Variants in TRAPPC9 observed in about 807,000 individuals in gnomAD.
TRAPPC9 encodes the protein trafficking protein particle complex subunit 9.
Under a neutral mutation model 124.0 loss-of-function variants are expected in TRAPPC9, and 83 were observed. That is an observed-to-expected ratio of 0.67 (90% CI 0.56 to 0.80). The LOEUF (loss-of-function observed/expected upper bound fraction) is 0.80, where lower values mean the gene tolerates loss of function less well. Among genes scored for constraint, TRAPPC9 ranks in the 30% least tolerant of loss-of-function variants. The pLI is 0.00. For missense variants in TRAPPC9, 1,302 were observed against 1,508.3 expected, an observed-to-expected ratio of 0.86 and a Z score of 2.27; for synonymous variants, 638 against 617.5, an observed-to-expected ratio of 1.03 and a Z score of -0.49.
intron 21 of TRAPPC9, among the ~76,000 whole-genome samples, chr8:139,812,902 C>G (rs950074372): frequency 6.6e-6 from 1 of 152,178 alleles, no homozygotes; most frequent in African/African-American, 2.4e-5. Flanking sequence ...GTTAAAAACA[C>G]CGAGTGTGTG....
At chr8:140,136,952 T>C (rs548236852) in intron 17 of TRAPPC9, among the ~76,000 whole-genome samples, 52 of 151,944 alleles carry the variant, frequency 3.4e-4, no homozygotes, top group Non-Finnish European at 6.6e-4. Context: ...CCCACCTAAT[T>C]AAGAGAATTT....
In TRAPPC9 at chr8:140,371,087, C is replaced by A. The variant is rs774257540; in HGVS notation, c.1228G>T (p.Val410Leu). The A allele has an allele frequency of 3.7e-6, 6 of 1,614,210 alleles. No individual in the cohort carries two copies. Among genetic ancestry groups the A allele is most frequent in the Non-Finnish European group, 5.1e-6 (6 of 1,180,044 alleles). ...GGGGCCACGCACTGCATGGCGGCCA[C>A]GCGCTTGAAGAACGCAGACTTGCGA... ...FHRKSAFFKR[V>L]AAMQCVAPSI... The change falls in exon 8 of 23, where the codon GTG (valine) becomes TTG (leucine). Residue 410 changes from valine to leucine, a missense_variant. Transcript: ENST00000438773.
At chr8:139,942,015 C>G (rs1435969793) in intron 19 of TRAPPC9, among the ~76,000 whole-genome samples, 2 of 152,208 alleles carry the variant, frequency 1.3e-5, no homozygotes, top group Non-Finnish European at 2.9e-5. Flanking sequence ...TGGGATGGAA[C>G]CCAGCTCCCT....
chr8:139,798,241 CTT>C (rs1259670996), intron 21 of TRAPPC9, among the ~76,000 whole-genome samples: 2 of 152,088 alleles, frequency 1.3e-5, no homozygotes, highest in Non-Finnish European at 1.5e-5. Context: ...TAAATGTACT[CTT>C]TAGTATTTTA....
chr8:140,350,581 G>C (rs1287806407), intron 9 of TRAPPC9, among the ~76,000 whole-genome samples: 1 of 152,114 alleles, frequency 6.6e-6, no homozygotes, highest in Non-Finnish European at 1.5e-5. Flanking sequence ...CGTTAAGACT[G>C]GGAAACGCAA....
chr8:139,938,968 G>C (rs1425858746), intron 19 of TRAPPC9, among the ~76,000 whole-genome samples: 8 of 152,228 alleles, frequency 5.3e-5, no homozygotes, highest in Admixed American at 5.2e-4. Flanking sequence ...TAAGGCCAAA[G>C]GAGAGAAATA....
chr8:139,757,085 G>A (rs1238648046), intron 21 of TRAPPC9, among the ~76,000 whole-genome samples: 3 of 131,964 alleles, frequency 2.3e-5, no homozygotes, highest in Non-Finnish European at 3.2e-5. Context: ...GTCACAGGAG[G>A]AGCCAGGGTT....
At chr8:140,152,125 A>C (rs2061552841) in intron 17 of TRAPPC9, among the ~76,000 whole-genome samples, 1 of 151,894 alleles carries the variant, frequency 6.6e-6, no homozygotes, top group Non-Finnish European at 1.5e-5. Context: ...AGTAGTTAAC[A>C]CACATAAAAG....
At chr8:140,036,758 C>A (rs190963269) in intron 17 of TRAPPC9, among the ~76,000 whole-genome samples, 26 of 152,290 alleles carry the variant, frequency 1.7e-4, no homozygotes, top group Non-Finnish European at 4.4e-5. Flanking sequence ...AGCGGAGCGA[C>A]CCTCACCTGA....
intron 19 of TRAPPC9, among the ~76,000 whole-genome samples, chr8:139,961,250 G>A (rs1835357259): frequency 8.0e-6 from 1 of 124,468 alleles, no homozygotes; most frequent in East Asian, 2.2e-4. Flanking sequence ...CTGGTTCAAG[G>A]GCCTTCTTTC....
At chr8:140,128,717 C>T (rs1000789893) in intron 17 of TRAPPC9, among the ~76,000 whole-genome samples, 10 of 152,136 alleles carry the variant, frequency 6.6e-5, no homozygotes, top group Non-Finnish European at 1.2e-4. Flanking sequence ...CAGTAAATGG[C>T]GGAGCCGAGA....
chr8:140,082,823 C>G (rs1461282774), intron 17 of TRAPPC9, among the ~76,000 whole-genome samples: 1 of 152,188 alleles, frequency 6.6e-6, no homozygotes, highest in African/African-American at 2.4e-5. Context: ...AAGGGGCATC[C>G]TCAAACTCAG....
chr8:139,903,437 C>G (rs1831145286), intron 20 of TRAPPC9, among the ~76,000 whole-genome samples: 1 of 152,182 alleles, frequency 6.6e-6, no homozygotes, highest in Admixed American at 6.5e-5. Context: ...CCAGCTCACA[C>G]AGCTGGATTC....
chr8:139,750,333 A>G (rs538938546), intron 21 of TRAPPC9, among the ~76,000 whole-genome samples: 4 of 152,196 alleles, frequency 2.6e-5, no homozygotes, highest in South Asian at 2.1e-4. Flanking sequence ...CTGGAGGCAA[A>G]CCACGCCTCC....
rs549550486 is a variant in TRAPPC9, at chr8:139,963,902, G to C, written c.2810+24824C>G. ...ATTAGTAAATTATGGTATATATGTA[G>C]AATTGACTTATGCAACTATAAAAAA... On this transcript the variant is annotated intron_variant, in intron 19 of 22. Transcript: ENST00000438773. 5.9e-5 allele frequency among the ~76,000 whole-genome samples: 9 copies of C among 152,124 alleles called. No individual in the cohort carries two copies. In the South Asian group the frequency reaches 1.9e-3, roughly 32 times the overall value.
Position 140,285,194 on chromosome 8 carries a change from A to G in TRAPPC9, c.1982-1173T>C, listed in dbSNP as rs915664523. Among the ~76,000 whole-genome samples the G allele has an allele frequency of 4.6e-5, 7 of 152,184 alleles. No individual in the cohort carries two copies. In the South Asian group the frequency reaches 1.5e-3, roughly 32 times the overall value. On this transcript the variant is annotated intron_variant, in intron 13 of 22. Transcript: ENST00000438773. ...CACTAGTCTGGACCCAGGATAAACA[A>G]CCAAGAACTGCGTGACTAAGGCTCT... is the stretch of plus-strand genomic sequence containing the variant.
intron 15 of TRAPPC9, among the ~76,000 whole-genome samples, chr8:140,271,792 A>G (rs879387396): frequency 2.6e-5 from 4 of 152,256 alleles, no homozygotes; most frequent in Non-Finnish European, 4.4e-5. Flanking sequence ...TGCCATTAGA[A>G]GTCAAACAGT....
intron 21 of TRAPPC9, among the ~76,000 whole-genome samples, chr8:139,772,579 C>T (rs1821045459): frequency 6.6e-6 from 1 of 152,228 alleles, no homozygotes; most frequent in African/African-American, 2.4e-5. Context: ...GAGTCGGCTA[C>T]ACATAAAATT....
chr8:140,306,024 AC>A (rs1187199627), intron 10 of TRAPPC9, among the ~76,000 whole-genome samples: 2 of 152,218 alleles, frequency 1.3e-5, no homozygotes, highest in African/African-American at 4.8e-5. Flanking sequence ...CATTTTAGTT[AC>A]TATCCTTCCT....
Sources: gnomAD v4.1 joint callset for allele counts (sites outside exome capture counted in the v4.1 genomes callset) on GRCh38, gnomAD v4.1.1 for gene constraint, MANE v1.5 for transcripts, NCBI Gene and HGNC (gene_info 2026-07-23, HGNC 2026-07-21) for gene names.